The following SYBU variants were observed in gnomAD, a reference collection of about 807,000 sequenced individuals.
The protein encoded by SYBU is syntabulin.
SYBU carries 21 observed loss-of-function variants against 35.9 expected under a neutral mutation model. The observed-to-expected ratio is 0.58, with a 90% confidence interval of 0.41 to 0.84. The LOEUF (loss-of-function observed/expected upper bound fraction) is 0.84, where lower values mean the gene tolerates loss of function less well. Ranked by LOEUF, SYBU falls within the 40% of genes least tolerant of loss-of-function variation. The pLI, the probability that SYBU is intolerant of heterozygous loss-of-function variation, is 0.00. For synonymous variants in SYBU, 319 were observed against 324.3 expected (o/e 0.98, Z 0.18); for missense variants, 768 against 848.2 (o/e 0.91, Z 1.17).
At chr8:109,580,245 C>CT in intron 4 of SYBU, 2 of 489,312 alleles carry the variant, frequency 4.1e-6, no homozygotes, top group South Asian at 2.4e-5. Flanking sequence ...GACCATAAAG[C>CT]TTTTTTTGGA....
rs1435666775 is a variant in SYBU, at chr8:109,574,456, C to G, written c.*450G>C. 3 of 154,218 alleles carry G rather than the reference C, an allele frequency of 1.9e-5. No homozygotes were observed. Among genetic ancestry groups the G allele is most frequent in the African/African-American group, 7.2e-5 (3 of 41,552 alleles). 9.6% of individuals were successfully genotyped at this position (154,218 alleles called of 1,614,324 possible). A position where few individuals can be genotyped will look rare whatever the true frequency, so the allele number is the denominator to read the frequency against. Reference sequence around the variant, plus strand: ...AAGAGCTATTCAAGACTTCTTCAAACCAATTACACAAATACATGTTTATTT... The same window carrying G: ...AAGAGCTATTCAAGACTTCTTCAAAGCAATTACACAAATACATGTTTATTT... On this transcript the variant is annotated 3_prime_UTR_variant, in exon 7 of 7. Coordinates refer to ENST00000276646, the MANE Select transcript of SYBU (RefSeq NM_001099754.2).
chr8:109,629,697 C>T (rs1362179347), intron 2 of SYBU, among the ~76,000 whole-genome samples: 1 of 151,922 alleles, frequency 6.6e-6, no homozygotes, highest in Admixed American at 6.6e-5. Flanking sequence ...ATTTCTAGTT[C>T]TAGATCCCTG....
At chr8:109,669,674 G>A (rs1416686621) in intron 1 of SYBU, among the ~76,000 whole-genome samples, 1 of 152,220 alleles carries the variant, frequency 6.6e-6, no homozygotes, top group Non-Finnish European at 1.5e-5. Flanking sequence ...CAAGGAAAAT[G>A]TGATGCAGCC....
chr8:109,622,229 T>TATCTATC (rs1812500540), intron 2 of SYBU, among the ~76,000 whole-genome samples: 9 of 144,360 alleles, frequency 6.2e-5, no homozygotes, highest in Admixed American at 3.5e-4. Flanking sequence ...ATCTATCATC[T>TATCTATC]ATCTATCTAT....
At chr8:109,669,068 C>T (rs3108829) in intron 1 of SYBU, among the ~76,000 whole-genome samples, 42,480 of 151,992 alleles carry the variant, frequency 0.28, 6,551 homozygotes, top group East Asian at 0.52. Context: ...ATCGGCTGGG[C>T]GTGGTGGCTC....
chr8:109,643,991 T>C (rs1202349962), intron 1 of SYBU: 1 of 405,498 alleles, frequency 2.5e-6, no homozygotes, highest in African/African-American at 2.1e-5. Flanking sequence ...AAGGGACTCT[T>C]TGGCTTAGGT....
At chr8:109,619,849 C>T (rs1020454739) in intron 2 of SYBU, among the ~76,000 whole-genome samples, 3 of 152,118 alleles carry the variant, frequency 2.0e-5, no homozygotes, top group Non-Finnish European at 2.9e-5. Context: ...TGAAGTGATC[C>T]TGTTTTATCA....
At chr8:109,658,907 T>C (rs984730394) in intron 1 of SYBU, among the ~76,000 whole-genome samples, 2 of 151,890 alleles carry the variant, frequency 1.3e-5, no homozygotes, top group Non-Finnish European at 2.9e-5. Flanking sequence ...TGAGCAGAGA[T>C]TGCGCCACAC....
chr8:109,667,739 C>T (rs1043993411), intron 1 of SYBU, among the ~76,000 whole-genome samples: 6 of 152,148 alleles, frequency 3.9e-5, no homozygotes, highest in Non-Finnish European at 5.9e-5. Flanking sequence ...GCAATCCTCC[C>T]ACCTCAGCAT....
At chr8:109,621,098 G>C (rs183884316) in intron 2 of SYBU, among the ~76,000 whole-genome samples, 1 of 152,266 alleles carries the variant, frequency 6.6e-6, no homozygotes, top group East Asian at 1.9e-4. Flanking sequence ...CTGTGCTTCA[G>C]AGTGTCTAAC....
At chr8:109,622,125 CT>C (rs139889016) in intron 2 of SYBU, among the ~76,000 whole-genome samples, 4 of 150,516 alleles carry the variant, frequency 2.7e-5, no homozygotes, top group African/African-American at 4.9e-5. Context: ...ATCTGAGATT[CT>C]TTTTTTTTCA....
intron 2 of SYBU, among the ~76,000 whole-genome samples, chr8:109,638,929 G>A (rs1814543554): frequency 6.6e-6 from 1 of 152,062 alleles, no homozygotes; most frequent in Non-Finnish European, 1.5e-5. Context: ...ATTGCAAAAG[G>A]TCACACACAA....
In SYBU at chr8:109,579,815, A is replaced by C. The variant is rs1822802655; in HGVS notation, c.718T>G (p.Cys240Gly). The C allele has an allele frequency of 6.2e-7, 1 of 1,614,102 alleles. No homozygotes were observed. Among genetic ancestry groups the C allele is most frequent in the Non-Finnish European group, 8.5e-7 (1 of 1,179,982 alleles). ...SNSGSYKGSD[C>G]SPIMRRSGRY... is the part of the protein sequence containing the mutation. ...AGGACTCACCTCATGATGGGGCTAC[A>C]GTCGCTTCCTTTGTAGGAGCCTGAG... The change falls in exon 5 of 7, where the codon TGT becomes GGT. Residue 240 changes from cysteine (C) to glycine (G), a missense_variant. By Grantham distance (159) the Cys-to-Gly change is radical. Coordinates refer to ENST00000276646, the MANE Select transcript of SYBU (RefSeq NM_001099754.2).
chr8:109,632,583 T>G (rs1453571763), intron 2 of SYBU, among the ~76,000 whole-genome samples: 1 of 152,116 alleles, frequency 6.6e-6, no homozygotes, highest in Non-Finnish European at 1.5e-5. Context: ...ACATCTGAGT[T>G]TTTTCTATTT....
At chr8:109,621,696 C>G (rs181672981) in intron 2 of SYBU, among the ~76,000 whole-genome samples, 1 of 152,300 alleles carries the variant, frequency 6.6e-6, no homozygotes, top group East Asian at 1.9e-4. Flanking sequence ...ATGTCACTTA[C>G]AATGCATAGT....
At chr8:109,684,175 T>C (rs1817467118), upstream of SYBU, among the ~76,000 whole-genome samples, 4 of 152,252 alleles carry the variant, frequency 2.6e-5, no homozygotes, top group South Asian at 8.3e-4. Context: ...TGTCAGTATG[T>C]GGAATGTTTT....
In SYBU at chr8:109,589,720, CA is replaced by C. The variant is rs537828857; in HGVS notation, c.428-3559del. On this transcript the variant is annotated intron_variant, in intron 3 of 6. Coordinates refer to ENST00000276646, the MANE Select transcript of SYBU (RefSeq NM_001099754.2). ...TTAGAAAAGGAAGGAAAAATGAAAA[CA>C]AAAAGAATACGTGCCCAAACTGATA... Among the ~76,000 whole-genome samples the C allele has an allele frequency of 1.5e-3, 226 of 152,226 alleles. 1 individual carries two copies. Among genetic ancestry groups the C allele is most frequent in the South Asian group, 6.0e-3 (29 of 4,828 alleles).
chr8:109,640,335 T>C (rs73319192), intron 2 of SYBU, among the ~76,000 whole-genome samples: 3,870 of 151,730 alleles, frequency 0.026, 165 homozygotes, highest in African/African-American at 0.088. Flanking sequence ...TATTCTAAAA[T>C]ATATTTGGGG....
At chr8:109,656,005 A>C (rs1816339136) in intron 1 of SYBU, among the ~76,000 whole-genome samples, 1 of 151,822 alleles carries the variant, frequency 6.6e-6, no homozygotes, top group African/African-American at 2.4e-5. Flanking sequence ...AATCTCAGCT[A>C]CTCCGGAGGC....
Sources: gnomAD v4.1 joint callset for allele counts (sites outside exome capture counted in the v4.1 genomes callset) on GRCh38, gnomAD v4.1.1 for gene constraint, MANE v1.5 for transcripts, NCBI Gene and HGNC (gene_info 2026-07-23, HGNC 2026-07-21) for gene names.